The following LOXL2 variants were observed in gnomAD, a reference collection of about 807,000 sequenced individuals.
LOXL2 encodes the protein lysyl oxidase homolog 2.
In LOXL2, 70 loss-of-function variants were observed where a neutral mutation model predicts 93.0. That is an observed-to-expected ratio of 0.75 (90% confidence interval 0.62 to 0.92). The LOEUF (loss-of-function observed/expected upper bound fraction) is 0.92, where lower values mean the gene tolerates loss of function less well. Ranked by LOEUF, LOXL2 falls within the 40% of genes least tolerant of loss-of-function variation. The probability of loss-of-function intolerance (pLI) is 0.00; values close to 1 mark genes in which losing one functional copy is unlikely to be tolerated. For synonymous variants in LOXL2, 438 were observed against 413.2 expected, an observed-to-expected ratio of 1.06 and a Z score of -0.73; for missense variants, 973 against 1,054.9, an observed-to-expected ratio of 0.92 and a Z score of 1.08.
At chr8:23,372,025 T>C (rs1026727088) in intron 1 of LOXL2, among the ~76,000 whole-genome samples, 8 of 151,942 alleles carry the variant, frequency 5.3e-5, no homozygotes, top group African/African-American at 1.9e-4. Context: ...AAAAAATACT[T>C]GATTAATCCA....
At chr8:23,328,709 A>ATGTGTGGGTGTGTGTGTGTG (rs1803628215) in intron 5 of LOXL2, 144 bp from the exon 6 acceptor site, 1 of 433,848 alleles carries the variant, frequency 2.3e-6, no homozygotes, top group African/African-American at 2.4e-5. Context: ...TGATGTATGG[A>ATGTGTGGGTGTGTGTGTGTG]TGTGTGTGTG....
rs767928126 is a variant in LOXL2 at position 23,341,008 on chromosome 8, T to C, written c.727A>G (p.Asn243Asp). 2.5e-6 allele frequency: 4 copies of C among 1,614,136 alleles called. No homozygotes were observed. The highest frequency in any genetic ancestry group is 1.1e-5 in the South Asian group (1 of 91,086). The change falls in exon 4 of 14, where the codon AAT becomes GAT. Residue 243 changes from asparagine to aspartate, a missense_variant. Asn to Asp is a conservative substitution (Grantham distance 23). Coordinates refer to ENST00000389131, the MANE Select transcript of LOXL2 (RefSeq NM_002318.3). ...TCCTCTTACTTGTACACTTTGGTATTGTATGTCCTCTCCCCAGGGAAGCCA... is the reference window on the plus strand; with the variant it reads ...TCCTCTTACTTGTACACTTTGGTATCGTATGTCCTCTCCCCAGGGAAGCCA... The part of the protein sequence containing the change: ...MFGFPGERTY[N>D]TKVYKMFASR...
chr8:23,375,034 G>C (rs542436764), intron 1 of LOXL2, among the ~76,000 whole-genome samples: 57 of 152,316 alleles, frequency 3.7e-4, no homozygotes, highest in African/African-American at 1.3e-3. Context: ...CCTGTGTCCT[G>C]AATGGTACTG....
intron 4 of LOXL2, chr8:23,337,000 T>C (rs1486405748): frequency 1.3e-5 from 2 of 152,204 alleles, no homozygotes; most frequent in Non-Finnish European, 2.9e-5. Context: ...CGGGAATGGA[T>C]TGAGGGGTCA....
chr8:23,377,716 T>C (rs975524882), intron 1 of LOXL2, among the ~76,000 whole-genome samples: 1 of 152,186 alleles, frequency 6.6e-6, no homozygotes, highest in Admixed American at 6.5e-5. Context: ...TCTCTTTTGA[T>C]CTTTGTTGGT....
intron 5 of LOXL2, among the ~76,000 whole-genome samples, chr8:23,329,551 T>C (rs1246609346): frequency 6.7e-6 from 1 of 150,282 alleles, no homozygotes; most frequent in East Asian, 2.5e-4. Flanking sequence ...CACGTGTGTG[T>C]GTAAGCTCAC....
chr8:23,347,953 C>A (rs747800605), intron 3 of LOXL2, among the ~76,000 whole-genome samples: 2 of 152,044 alleles, frequency 1.3e-5, no homozygotes, highest in Non-Finnish European at 2.9e-5. Flanking sequence ...TGGAACCAAC[C>A]CAAATGTCCT....
intron 3 of LOXL2, among the ~76,000 whole-genome samples, chr8:23,342,917 A>T (rs1803907792): frequency 6.6e-6 from 1 of 152,006 alleles, no homozygotes; most frequent in South Asian, 2.1e-4. Context: ...CGCCCAGCTA[A>T]TTTTAAAATA....
At chr8:23,367,117 C>T (rs1357687583) in intron 2 of LOXL2, among the ~76,000 whole-genome samples, 2 of 152,164 alleles carry the variant, frequency 1.3e-5, no homozygotes, top group Non-Finnish European at 1.5e-5. Context: ...GGCGCGATCA[C>T]GGCTCACTGC....
In LOXL2 at chr8:23,303,417, G is replaced by A; in HGVS notation, c.1881-20C>T. The A allele has an allele frequency of 6.9e-7, 1 of 1,440,284 alleles. No individual in the cohort carries two copies. Among genetic ancestry groups the A allele is most frequent in the Non-Finnish European group, 9.8e-7 (1 of 1,023,008 alleles). The allele number at this position is 1,440,284 out of a possible 1,614,324, so 89.2% of individuals were successfully genotyped here. On this transcript the variant is annotated intron_variant, in intron 10 of 13. Coordinates refer to ENST00000389131, the MANE Select transcript of LOXL2 (RefSeq NM_002318.3). ...TAGTGCCTGGAGCGAGAGAGAGATG[G>A]CCTGGAGGTCAGTTTCTGGAGCAAC...
Position 23,317,112 on chromosome 8 carries a change from C to A in LOXL2, c.1473G>T (p.Glu491Asp). ...TGACATCTCCGTGCCAATACCAGGT[C>A]TCCTGGAAGAACCAACAAAACAAAT... ...GLGFASNAFQ[E>D]TWYWHGDVNS... The change falls in exon 9 of 14, where the codon GAG becomes GAT. Residue 491 changes from glutamate to aspartate, a missense_variant and splice_region_variant. Physicochemically the swap from Glu to Asp is conservative, Grantham distance 45 (BLOSUM62 2). Coordinates refer to ENST00000389131, the MANE Select transcript of LOXL2 (RefSeq NM_002318.3). 1 of 1,614,064 alleles carries A rather than the reference C, an allele frequency of 6.2e-7. No individual in the cohort carries two copies. The highest frequency in any genetic ancestry group is 8.5e-7 in the Non-Finnish European group (1 of 1,179,992).
At chr8:23,373,001 G>T (rs936148871) in intron 1 of LOXL2, among the ~76,000 whole-genome samples, 31 of 152,280 alleles carry the variant, frequency 2.0e-4, no homozygotes, top group African/African-American at 7.2e-4. Context: ...AAGATACAAT[G>T]ATATTATGCA....
At position 23,328,445 on chromosome 8, in the gene LOXL2, C is replaced by T. The variant is rs753598006; in HGVS notation, c.1087G>A (p.Val363Ile). The change falls in exon 6 of 14, where the codon GTC (valine) becomes ATC (isoleucine). Residue 363 changes from valine (V) to isoleucine (I), a missense_variant. Val to Ile is a conservative substitution (Grantham distance 29). Coordinates refer to ENST00000389131, the MANE Select transcript of LOXL2 (RefSeq NM_002318.3). ...DKWDLVSASV[V>I]CRELGFGSAK... The stretch of plus-strand genomic sequence containing the variant: ...CTCCCAAAGCCCAGCTCTCTGCAGA[C>T]CACACTGGCCGACACCAGGTCCCAC... 2.0e-5 allele frequency: 32 copies of T among 1,614,024 alleles called. No homozygotes were observed. In the South Asian group the frequency reaches 3.2e-4, roughly 16 times the overall value.
chr8:23,358,417 G>C (rs528939726), intron 3 of LOXL2, among the ~76,000 whole-genome samples: 5 of 152,340 alleles, frequency 3.3e-5, no homozygotes, highest in Non-Finnish European at 7.3e-5. Flanking sequence ...AGTCTTGGGA[G>C]AACTTCCTCT....
At chr8:23,359,149 A>G (rs1305005690) in intron 3 of LOXL2, among the ~76,000 whole-genome samples, 4 of 150,954 alleles carry the variant, frequency 2.6e-5, no homozygotes, top group Admixed American at 2.6e-4. Context: ...CCCGCGCCCG[A>G]CCCAGTACCT....
At chr8:23,371,889 TAGACTTTA>T in intron 1 of LOXL2, among the ~76,000 whole-genome samples, 1 of 152,064 alleles carries the variant, frequency 6.6e-6, no homozygotes, top group Admixed American at 6.5e-5. Flanking sequence ...TATTGTCTAT[TAGACTTTA>T]GCAAGTCTAA....
intron 13 of LOXL2, 116 bp downstream of exon 13, chr8:23,298,720 G>A (rs1803078547): frequency 1.5e-6 from 1 of 657,736 alleles, no homozygotes; most frequent in Non-Finnish European, 2.8e-6. Context: ...ATGTGGAAAT[G>A]TGATGCTGGC....
intron 4 of LOXL2, among the ~76,000 whole-genome samples, chr8:23,337,641 G>A (rs1803814616): frequency 6.6e-6 from 1 of 152,232 alleles, no homozygotes; most frequent in South Asian, 2.1e-4. Context: ...ATTAAATGCA[G>A]AATCTCTGCT....
chr8:23,318,115 G>A (rs1439024878), intron 8 of LOXL2, among the ~76,000 whole-genome samples: 5 of 151,936 alleles, frequency 3.3e-5, no homozygotes, highest in Admixed American at 3.3e-4. Flanking sequence ...TTTGAGTAAG[G>A]CAGATTACCC....
Sources: gnomAD v4.1 joint callset for allele counts (sites outside exome capture counted in the v4.1 genomes callset) on GRCh38, gnomAD v4.1.1 for gene constraint, MANE v1.5 for transcripts, NCBI Gene and HGNC (gene_info 2026-07-23, HGNC 2026-07-21) for gene names.